The following KHDRBS3 variants were observed in gnomAD, a reference collection of about 807,000 sequenced individuals.
KHDRBS3 encodes the protein KH RNA binding domain containing, signal transduction associated 3.
A neutral mutation model predicts 45.6 loss-of-function variants in KHDRBS3; 23 were observed. The observed-to-expected ratio is 0.50, with a 90% CI of 0.36 to 0.72. The LOEUF is 0.72. KHDRBS3 is among the 30% of genes least tolerant of loss of function. The pLI is 0.00. For synonymous variants in KHDRBS3, 162 were observed against 156.5 expected (o/e 1.04, Z -0.26); for missense variants, 352 against 424.8 (o/e 0.83, Z 1.51).
At chr8:135,630,590 G>C (rs1830556434) in intron 7 of KHDRBS3, among the ~76,000 whole-genome samples, 1 of 151,748 alleles carries the variant, frequency 6.6e-6, no homozygotes, top group Non-Finnish European at 1.5e-5. Flanking sequence ...ATCATAGAGT[G>C]ACTTACTCAA....
chr8:135,507,551 T>A (rs1304303293), intron 1 of KHDRBS3, among the ~76,000 whole-genome samples: 3 of 152,184 alleles, frequency 2.0e-5, no homozygotes, highest in Non-Finnish European at 2.9e-5. Context: ...ATTTTTTTTT[T>A]AACGAAATCC....
intron 2 of KHDRBS3, among the ~76,000 whole-genome samples, chr8:135,527,182 G>A (rs528324263): frequency 2.0e-5 from 3 of 152,254 alleles, no homozygotes; most frequent in East Asian, 1.9e-4. Flanking sequence ...TGGGAAAATC[G>A]AAGTGGTTAA....
At chr8:135,556,495 A>AT (rs879806807) in intron 4 of KHDRBS3, among the ~76,000 whole-genome samples, 3 of 152,094 alleles carry the variant, frequency 2.0e-5, no homozygotes, top group Non-Finnish European at 2.9e-5. Flanking sequence ...TATGATGAGC[A>AT]TTTTTTCATA....
At chr8:135,621,138 G>T (rs1022677406) in intron 7 of KHDRBS3, among the ~76,000 whole-genome samples, 2 of 139,308 alleles carry the variant, frequency 1.4e-5, no homozygotes, top group Non-Finnish European at 1.5e-5. Flanking sequence ...AAAAAAAAGG[G>T]GGGGAGGATG....
chr8:135,524,316 T>C (rs1295422058), intron 2 of KHDRBS3, among the ~76,000 whole-genome samples: 1 of 152,212 alleles, frequency 6.6e-6, no homozygotes, highest in Non-Finnish European at 1.5e-5. Context: ...CTGTACATTT[T>C]TTAAAATAAT....
chr8:135,651,473 A>G (rs1831427130), downstream of KHDRBS3, among the ~76,000 whole-genome samples: 1 of 152,150 alleles, frequency 6.6e-6, no homozygotes, highest in African/African-American at 2.4e-5. Context: ...ATATTAGATA[A>G]TTAGAGAAAG....
At chr8:135,488,624 G>A (rs1176124610) in intron 1 of KHDRBS3, among the ~76,000 whole-genome samples, 2 of 152,144 alleles carry the variant, frequency 1.3e-5, no homozygotes, top group Admixed American at 6.5e-5. Flanking sequence ...TAACAACAGG[G>A]TGGGTTGAGA....
chr8:135,511,766 G>A (rs991490873), intron 1 of KHDRBS3, among the ~76,000 whole-genome samples: 2 of 152,066 alleles, frequency 1.3e-5, no homozygotes, highest in Non-Finnish European at 2.9e-5. Context: ...CACCGTGTTA[G>A]CCAGAATGGT....
At chr8:135,526,118 C>T (rs1016096646) in intron 2 of KHDRBS3, among the ~76,000 whole-genome samples, 7 of 152,024 alleles carry the variant, frequency 4.6e-5, no homozygotes, top group East Asian at 1.9e-4. Context: ...CCTAGGTATA[C>T]AGTAGGATAT....
At chr8:135,481,227 T>TAG (rs1563709726) in intron 1 of KHDRBS3, among the ~76,000 whole-genome samples, 3 of 54,552 alleles carry the variant, frequency 5.5e-5, no homozygotes, top group Non-Finnish European at 9.6e-5. Flanking sequence ...AGCCACGATA[T>TAG]ATATATATAT....
intron 2 of KHDRBS3, among the ~76,000 whole-genome samples, chr8:135,533,205 C>G (rs1360813066): frequency 6.6e-6 from 1 of 152,036 alleles, no homozygotes; most frequent in Non-Finnish European, 1.5e-5. Context: ...CTCCAGTGGG[C>G]AAATATTACT....
intron 1 of KHDRBS3, among the ~76,000 whole-genome samples, chr8:135,461,208 G>A (rs920207994): frequency 6.6e-6 from 1 of 152,148 alleles, no homozygotes; most frequent in African/African-American, 2.4e-5. Context: ...GGGTTTGCGC[G>A]ATTCTCCCGC....
intron 1 of KHDRBS3, among the ~76,000 whole-genome samples, chr8:135,488,570 C>T (rs1822983077): frequency 1.3e-5 from 2 of 152,154 alleles, no homozygotes; most frequent in African/African-American, 4.8e-5. Flanking sequence ...GATAACAATT[C>T]TCAGTGGAGT....
At chr8:135,515,445 G>A (rs1586644855) in intron 1 of KHDRBS3, among the ~76,000 whole-genome samples, 1 of 139,718 alleles carries the variant, frequency 7.2e-6, no homozygotes, top group African/African-American at 2.6e-5. Flanking sequence ...GAGTTTTATT[G>A]TTGTCGTTGT....
chr8:135,474,157 G>C (rs1822152972), intron 1 of KHDRBS3, among the ~76,000 whole-genome samples: 1 of 151,244 alleles, frequency 6.6e-6, no homozygotes, highest in Admixed American at 6.6e-5. Flanking sequence ...CACCTTTCCA[G>C]AAGAGTTTTG....
chr8:135,469,153 T>A (rs1821848579), intron 1 of KHDRBS3, among the ~76,000 whole-genome samples: 1 of 152,256 alleles, frequency 6.6e-6, no homozygotes, highest in Non-Finnish European at 1.5e-5. Context: ...CCTTTTATTG[T>A]CTCAGAACTG....
At chr8:135,650,216 G>T (rs146639587), downstream of KHDRBS3, among the ~76,000 whole-genome samples, 1 of 152,088 alleles carries the variant, frequency 6.6e-6, no homozygotes, top group Non-Finnish European at 1.5e-5. Flanking sequence ...CCGCAAAACC[G>T]AATGGAGGTG....
chr8:135,469,619 C>T (rs1821906883), intron 1 of KHDRBS3, among the ~76,000 whole-genome samples: 1 of 150,750 alleles, frequency 6.6e-6, no homozygotes, highest in African/African-American at 2.4e-5. Flanking sequence ...ACGTCTGCCT[C>T]CCAGGTTCAA....
chr8:135,560,921 G>A (rs568819282), intron 5 of KHDRBS3, among the ~76,000 whole-genome samples: 2 of 152,230 alleles, frequency 1.3e-5, no homozygotes, highest in Admixed American at 6.5e-5. Context: ...CACCAGCAGG[G>A]CACTGAACAC....
Sources: allele counts gnomAD v4.1 joint callset (sites outside exome capture counted in the v4.1 genomes callset), GRCh38; gene constraint gnomAD v4.1.1; transcripts MANE v1.5; gene names NCBI Gene and HGNC (gene_info 2026-07-23, HGNC 2026-07-21).